The following DAPK1 variants were observed in gnomAD, a reference collection of about 807,000 sequenced individuals.
DAPK1 encodes death-associated protein kinase 1.
A neutral mutation model predicts 144.9 loss-of-function variants in DAPK1; 56 were observed. The observed-to-expected ratio is 0.39, with a 90% CI of 0.31 to 0.48. The LOEUF (loss-of-function observed/expected upper bound fraction) is 0.48, where lower values mean the gene tolerates loss of function less well. Among genes scored for constraint, DAPK1 ranks in the 20% least tolerant of loss-of-function variants. DAPK1 has a pLI of 0.95. For synonymous variants in DAPK1, 690 were observed against 749.0 expected (o/e 0.92, Z 1.29); for missense variants, 1,454 against 1,875.4 (o/e 0.78, Z 4.15).
rs1587860934 is a variant in DAPK1 at position 87,707,697 on chromosome 9, A to G, written c.*333A>G. The G allele has an allele frequency of 4.6e-6, 2 of 437,802 alleles. No individual in the cohort carries two copies. The highest frequency in any genetic ancestry group is 1.1e-4 in the East Asian group (2 of 18,926). 27.1% of individuals were successfully genotyped at this position (437,802 alleles called of 1,614,324 possible). A position where few individuals can be genotyped will look rare whatever the true frequency, so the allele number is the denominator to read the frequency against. ...ACTGATAATTTTGCTGGAATTCCTAACTTTTCAATGACATTTTTTTTAACT... is the reference window on the plus strand; with the variant it reads ...ACTGATAATTTTGCTGGAATTCCTAGCTTTTCAATGACATTTTTTTTAACT... On this transcript the variant is annotated 3_prime_UTR_variant, in exon 26 of 26. Coordinates refer to ENST00000408954, the MANE Select transcript of DAPK1 (RefSeq NM_004938.4). The surrounding 1 kb of genome is among the most constrained non-coding windows in gnomAD (Gnocchi z 4.0).
chr9:87,664,485 C>T (rs36215722), intron 18 of DAPK1, among the ~76,000 whole-genome samples: 36 of 152,344 alleles, frequency 2.4e-4, no homozygotes, highest in African/African-American at 8.7e-4. Flanking sequence ...CCGTGGCACC[C>T]ACTCCTCCTC....
At chr9:87,549,532 A>T (rs180944811) in intron 2 of DAPK1, among the ~76,000 whole-genome samples, 29 of 152,320 alleles carry the variant, frequency 1.9e-4, no homozygotes, top group Non-Finnish European at 3.5e-4. Flanking sequence ...TGACGAAAAA[A>T]TTCTTAGTAT....
chr9:87,656,000 C>G (rs1257569945), intron 17 of DAPK1, among the ~76,000 whole-genome samples: 2 of 152,232 alleles, frequency 1.3e-5, no homozygotes, highest in Non-Finnish European at 2.9e-5. Flanking sequence ...TAGACACACT[C>G]AAATTCAGAT....
chr9:87,613,804 G>A (rs1229490800), intron 3 of DAPK1, among the ~76,000 whole-genome samples: 1 of 152,208 alleles, frequency 6.6e-6, no homozygotes, highest in East Asian at 1.9e-4. Context: ...GGGCGCTCAC[G>A]AACCACAATA....
intron 18 of DAPK1, among the ~76,000 whole-genome samples, chr9:87,660,084 G>A (rs1172363833): frequency 6.6e-6 from 1 of 152,180 alleles, no homozygotes; most frequent in Admixed American, 6.5e-5. Flanking sequence ...GTCCTCAGCC[G>A]GACAGAGTCC....
In DAPK1 at chr9:87,705,239, A is replaced by AT. The variant is rs1825597636; in HGVS notation, c.3061-893_3061-892insT. Among the ~76,000 whole-genome samples, 5 of 133,576 alleles carry AT rather than the reference A, an allele frequency of 3.7e-5. No individual in the cohort carries two copies. The South Asian group carries it at 1.2e-3, about 33-fold the overall frequency. The allele number at this position is 133,576 out of a possible 152,430, so 87.6% of individuals were successfully genotyped here. On this transcript the variant is annotated intron_variant, in intron 25 of 25. Coordinates refer to ENST00000408954, the MANE Select transcript of DAPK1 (RefSeq NM_004938.4). ...TATTTATTTTTTTAATTAATTAATT[A>AT]ATTTTTTTTTTTTTTTTTTTGAGAT...
At position 87,499,046 on chromosome 9, in the gene DAPK1, C is replaced by A; in HGVS notation, c.-32C>A. ...TGGTCTGGGAAGCGGAGCTGAAGTG[C>A]CCTGGGCTTTGGTGAGGCGTGACAG... On this transcript the variant is annotated 5_prime_UTR_variant, in exon 2 of 26. An upstream open reading frame in the 5' UTR gains an earlier in-frame stop. Coordinates refer to ENST00000408954, the MANE Select transcript of DAPK1 (RefSeq NM_004938.4). 1.2e-6 allele frequency: 2 copies of A among 1,609,292 alleles called. No individual in the cohort carries two copies. Among genetic ancestry groups the A allele is most frequent in the Non-Finnish European group, 1.7e-6 (2 of 1,175,816 alleles).
intron 2 of DAPK1, among the ~76,000 whole-genome samples, chr9:87,557,919 T>A (rs1826776800): frequency 6.6e-6 from 1 of 152,136 alleles, no homozygotes; most frequent in South Asian, 2.1e-4. Context: ...CCAGCCTGGG[T>A]GACAGAGTGA....
At position 87,660,625 on chromosome 9, in the gene DAPK1, C is replaced by A. The variant is rs117310019; in HGVS notation, c.1923+2498C>A. Among the ~76,000 whole-genome samples, 1,491 of 152,142 alleles carry A rather than the reference C, an allele frequency of 9.8e-3. 12 individuals are homozygous for A. Among genetic ancestry groups the A allele is most frequent in the Middle Eastern group, 0.017 (5 of 294 alleles). On this transcript the variant is annotated intron_variant, in intron 18 of 25. Transcript: ENST00000408954. ...CCATCAAACAAACTCCCATCCTCCA[C>A]GCGCTTCCCTCCCCTTCACCCCTCC...
intron 18 of DAPK1, among the ~76,000 whole-genome samples, chr9:87,666,730 T>C (rs1042324490): frequency 6.6e-6 from 1 of 152,124 alleles, no homozygotes; most frequent in African/African-American, 2.4e-5. Context: ...CACCTCAGCC[T>C]CCCAAAATGC....
rs140206347 is a variant in DAPK1, at chr9:87,660,678, T to A, written c.1923+2551T>A. 3.3e-5 allele frequency among the ~76,000 whole-genome samples: 5 copies of A among 152,156 alleles called. No individual in the cohort carries two copies. In the East Asian group the frequency reaches 7.8e-4, roughly 24 times the overall value. On this transcript the variant is annotated intron_variant, in intron 18 of 25. Transcript: ENST00000408954. ...GTCCCCGTTGTCCATCATTCCACAC[T>A]CTTCTTCCCTGTGTACACATCATTT...
chr9:87,605,330 C>G (rs1358905517), intron 3 of DAPK1, among the ~76,000 whole-genome samples, 155 bp downstream of exon 3: 1 of 152,202 alleles, frequency 6.6e-6, no homozygotes, highest in East Asian at 1.9e-4. Context: ...GCTGCCTGAC[C>G]TGAAACCCAG....
intron 2 of DAPK1, among the ~76,000 whole-genome samples, chr9:87,564,180 T>C (rs568590057): frequency 8.6e-4 from 131 of 152,272 alleles, no homozygotes; most frequent in Non-Finnish European, 1.4e-3. Flanking sequence ...CTGACCTCTG[T>C]AGGAAAAGAG....
chr9:87,535,093 C>T (rs1825817444), intron 2 of DAPK1, among the ~76,000 whole-genome samples: 1 of 152,128 alleles, frequency 6.6e-6, no homozygotes, highest in African/African-American at 2.4e-5. Flanking sequence ...GAAATGGATA[C>T]ACAGATGACA....
At chr9:87,594,126 G>A (rs1182181220) in intron 2 of DAPK1, among the ~76,000 whole-genome samples, 1 of 152,224 alleles carries the variant, frequency 6.6e-6, no homozygotes. Context: ...TGATTCTGAT[G>A]TAGGGTTTAC....
At chr9:87,563,747 GCAGAC>G in intron 2 of DAPK1, among the ~76,000 whole-genome samples, 2 of 152,152 alleles carry the variant, frequency 1.3e-5, no homozygotes, top group African/African-American at 4.8e-5. Context: ...CTCTCAGACT[GCAGAC>G]ATGTGGCTGA....
chr9:87,527,088 A>G (rs573607292), intron 2 of DAPK1, among the ~76,000 whole-genome samples: 2 of 152,348 alleles, frequency 1.3e-5, no homozygotes, highest in South Asian at 4.1e-4. Flanking sequence ...GTGATTATTT[A>G]GCTGATGGAA....
Position 87,663,842 on chromosome 9 carries a change from G to A in DAPK1, c.1924-4755G>A, listed in dbSNP as rs907762099. Among the ~76,000 whole-genome samples, 8 of 152,058 alleles carry A rather than the reference G, an allele frequency of 5.3e-5. No homozygotes were observed. In the East Asian group the frequency reaches 7.8e-4, roughly 15 times the overall value. On this transcript the variant is annotated intron_variant, in intron 18 of 25. Transcript: ENST00000408954. ...TGTTCAGCCTCTGCAAAGGGCTTCC[G>A]CATCTGTCTGTCACTCTGCCCAGGA...
intron 19 of DAPK1, among the ~76,000 whole-genome samples, chr9:87,669,620 A>C (rs1322544984): frequency 1.3e-5 from 2 of 152,200 alleles, no homozygotes; most frequent in African/African-American, 2.4e-5. Flanking sequence ...TGCTGAGAAG[A>C]TAATGTCCAA....
Sources: allele counts gnomAD v4.1 joint callset (sites outside exome capture counted in the v4.1 genomes callset), GRCh38; gene constraint gnomAD v4.1.1; non-coding constraint Gnocchi (gnomAD v3.1); transcripts MANE v1.5; gene names NCBI Gene and HGNC (gene_info 2026-07-23, HGNC 2026-07-21).